Variants in CALN1 observed in about 807,000 individuals in gnomAD.
The protein encoded by CALN1 is calneuron 1.
In CALN1, 17 loss-of-function variants were observed where a neutral mutation model predicts 30.6. The observed-to-expected ratio is 0.56, with a 90% CI of 0.38 to 0.83. The LOEUF (loss-of-function observed/expected upper bound fraction) is 0.83. CALN1 is among the 40% of genes least tolerant of loss of function. The pLI is 0.00. For missense variants in CALN1, 291 were observed against 354.9 expected, an observed-to-expected ratio of 0.82 and a Z score of 1.45; for synonymous variants, 156 against 131.4, an observed-to-expected ratio of 1.19 and a Z score of -1.28.
intron 2 of CALN1, among the ~76,000 whole-genome samples, chr7:72,292,560 C>A (rs957944282): frequency 4.0e-5 from 6 of 151,344 alleles, no homozygotes; most frequent in African/African-American, 1.5e-4. Context: ...GTGGCTTATG[C>A]CTGTAATCCC....
At chr7:72,276,921 C>T (rs1797371732) in intron 3 of CALN1, among the ~76,000 whole-genome samples, 1 of 152,218 alleles carries the variant, frequency 6.6e-6, no homozygotes, top group Non-Finnish European at 1.5e-5. Flanking sequence ...TCACTCTCTC[C>T]ACCATATGAG....
chr7:72,439,600 T>A (rs899264965), intron 1 of CALN1, among the ~76,000 whole-genome samples: 1 of 147,806 alleles, frequency 6.8e-6, no homozygotes, highest in Non-Finnish European at 1.5e-5. Flanking sequence ...TTTTTTGAGA[T>A]GGAGTCTCGC....
intron 3 of CALN1, among the ~76,000 whole-genome samples, chr7:72,214,655 G>A (rs930202214): frequency 6.6e-6 from 1 of 151,902 alleles, no homozygotes; most frequent in African/African-American, 2.4e-5. Context: ...ACAATCAGGG[G>A]TCCCCAACCA....
chr7:72,282,991 G>A (rs529029430), intron 2 of CALN1, among the ~76,000 whole-genome samples: 57 of 150,372 alleles, frequency 3.8e-4, no homozygotes, highest in Non-Finnish European at 5.3e-4. Context: ...GGGAGTGGAC[G>A]TTGCAATGAG....
intron 2 of CALN1, among the ~76,000 whole-genome samples, chr7:72,348,063 G>A (rs978086209): frequency 2.0e-5 from 3 of 152,096 alleles, no homozygotes; most frequent in Non-Finnish European, 2.9e-5. Context: ...CCTAGGAAGC[G>A]AAGGTTGCAG....
At chr7:72,077,839 C>A (rs1554432806) in intron 4 of CALN1, among the ~76,000 whole-genome samples, 1 of 152,190 alleles carries the variant, frequency 6.6e-6, no homozygotes, top group Non-Finnish European at 1.5e-5. Flanking sequence ...TATTTTCCAG[C>A]AAGATGCTTT....
chr7:72,298,545 G>C (rs1191046960), intron 2 of CALN1, among the ~76,000 whole-genome samples: 1 of 152,152 alleles, frequency 6.6e-6, no homozygotes, highest in African/African-American at 2.4e-5. Context: ...GGGCCTGTTA[G>C]ATCAGCATGA....
At chr7:71,965,536 G>C (rs764119732) in intron 5 of CALN1, among the ~76,000 whole-genome samples, 3 of 152,044 alleles carry the variant, frequency 2.0e-5, no homozygotes, top group Admixed American at 1.3e-4. Context: ...CTACAAAGAA[G>C]GGCTTCAGAG....
chr7:72,200,194 A>C (rs1022812033), intron 3 of CALN1, among the ~76,000 whole-genome samples: 2 of 152,060 alleles, frequency 1.3e-5, no homozygotes, highest in African/African-American at 4.8e-5. Context: ...GCAATGACAC[A>C]TTTTTGAGAC....
At chr7:71,827,775 A>AAAAAAAAAAAAAT (rs1554347603) in intron 5 of CALN1, among the ~76,000 whole-genome samples, 3 of 140,282 alleles carry the variant, frequency 2.1e-5, no homozygotes, top group African/African-American at 8.1e-5. Context: ...CCATCTTAAA[A>AAAAAAAAAAAAAT]AAATAAATAA....
rs770442883 is a variant in CALN1, at chr7:71,963,056, T to C, written c.501+60601A>G. ...AAGATTTGTAACTGGTATTTAAGTT[T>C]TGGAATCTCAGTTACCAGGTAAACC... On this transcript the variant is annotated intron_variant, in intron 5 of 6. Transcript: ENST00000395275. 5.1e-4 allele frequency among the ~76,000 whole-genome samples: 78 copies of C among 152,186 alleles called. 1 individual carries two copies. The highest frequency in any genetic ancestry group is 5.0e-3 in the Admixed American group (76 of 15,274).
At chr7:72,071,708 A>G (rs1446754910) in intron 4 of CALN1, among the ~76,000 whole-genome samples, 4 of 152,252 alleles carry the variant, frequency 2.6e-5, no homozygotes, top group Non-Finnish European at 5.9e-5. Context: ...TAGTTTTCTA[A>G]CAAAACGTCA....
the CALN1 span, among the ~76,000 whole-genome samples, chr7:72,501,581 T>A: frequency 6.7e-6 from 1 of 149,968 alleles, no homozygotes; most frequent in African/African-American, 2.5e-5. Flanking sequence ...AAGAACATTC[T>A]AAGAACCATG....
chr7:72,244,187 GCA>G lies in CALN1; in HGVS notation c.244+34497_244+34498del, dbSNP rs558128170. On this transcript the variant is annotated intron_variant, in intron 3 of 6. Coordinates refer to ENST00000395275, the MANE Select transcript of CALN1 (RefSeq NM_031468.4). ...TTTTTGAAGAAATCTCTGATTTTAGGCACAGAGACTTCAACTTTTTCATCACT... is the reference window on the plus strand; with the variant it reads ...TTTTTGAAGAAATCTCTGATTTTAGGCAGAGACTTCAACTTTTTCATCACT... Among the ~76,000 whole-genome samples the G allele has an allele frequency of 4.6e-5, 7 of 152,276 alleles. No individual in the cohort carries two copies. In the East Asian group the frequency reaches 1.4e-3, roughly 29 times the overall value.
At chr7:72,004,378 TTAAC>T (rs1172531572) in intron 5 of CALN1, among the ~76,000 whole-genome samples, 2 of 152,090 alleles carry the variant, frequency 1.3e-5, no homozygotes, top group East Asian at 1.9e-4. Context: ...TATCCAAAAA[TTAAC>T]TAAATTCTGG....
intron 3 of CALN1, among the ~76,000 whole-genome samples, chr7:72,169,165 T>A (rs1788757388): frequency 6.6e-6 from 1 of 151,786 alleles, no homozygotes; most frequent in South Asian, 2.1e-4. Flanking sequence ...TGGCAGGAGA[T>A]AAGTAAGTAT....
intron 5 of CALN1, among the ~76,000 whole-genome samples, chr7:71,834,631 CTTGCACCAG>C (rs1409195784): frequency 6.6e-6 from 1 of 152,122 alleles, no homozygotes; most frequent in Non-Finnish European, 1.5e-5. Context: ...TCAGAATATC[CTTGCACCAG>C]TTTTAGTTCC....
At chr7:71,813,688 G>A (rs1788094550) in intron 5 of CALN1, among the ~76,000 whole-genome samples, 1 of 152,092 alleles carries the variant, frequency 6.6e-6, no homozygotes, top group South Asian at 2.1e-4. Flanking sequence ...CTAGCACTTT[G>A]GGAGGCCGAG....
At chr7:72,190,584 AC>A (rs1790528269) in intron 3 of CALN1, among the ~76,000 whole-genome samples, 1 of 152,192 alleles carries the variant, frequency 6.6e-6, no homozygotes, top group African/African-American at 2.4e-5. Flanking sequence ...TTTCTGAAAT[AC>A]CTTTATTGAG....
Sources: allele counts gnomAD v4.1 joint callset (sites outside exome capture counted in the v4.1 genomes callset), GRCh38; gene constraint gnomAD v4.1.1; transcripts MANE v1.5; gene names NCBI Gene and HGNC (gene_info 2026-07-23, HGNC 2026-07-21).